Variants in SEMA5A observed in about 807,000 individuals in gnomAD.
The protein encoded by SEMA5A is semaphorin 5A.
In SEMA5A, 55 loss-of-function variants were observed where a neutral mutation model predicts 135.5. The observed-to-expected ratio is 0.41, with a 90% CI of 0.33 to 0.51. The LOEUF (loss-of-function observed/expected upper bound fraction) is 0.51. Ranked by LOEUF, SEMA5A falls within the 20% of genes least tolerant of loss-of-function variation. The probability of loss-of-function intolerance (pLI) is 0.37; values close to 1 mark genes in which losing one functional copy is unlikely to be tolerated. For synonymous variants in SEMA5A, 580 were observed against 546.5 expected, an observed-to-expected ratio of 1.06 and a Z score of -0.85; for missense variants, 1,290 against 1,419.9, an observed-to-expected ratio of 0.91 and a Z score of 1.47.
intron 1 of SEMA5A, among the ~76,000 whole-genome samples, chr5:9,491,854 A>G (rs967100097): frequency 8.5e-5 from 13 of 152,330 alleles, no homozygotes; most frequent in African/African-American, 7.2e-5. Context: ...TATTCAATAT[A>G]TGCATTGTAA....
intron 1 of SEMA5A, among the ~76,000 whole-genome samples, chr5:9,448,663 T>C (rs754255124): frequency 4.6e-5 from 7 of 152,224 alleles, no homozygotes; most frequent in Admixed American, 1.3e-4. Context: ...AATCCAGATC[T>C]CTGTAATTCT....
intron 18 of SEMA5A, among the ~76,000 whole-genome samples, chr5:9,060,407 C>A (rs1022139246): frequency 6.6e-6 from 1 of 152,116 alleles, no homozygotes; most frequent in Admixed American, 6.5e-5. Context: ...CCCATGGCAA[C>A]AAGGATAGGG....
chr5:9,109,433 G>A (rs572641938), intron 15 of SEMA5A, among the ~76,000 whole-genome samples: 45 of 152,312 alleles, frequency 3.0e-4, no homozygotes, highest in African/African-American at 9.9e-4. Context: ...GCATTCTACA[G>A]GTTACAGCTC....
At chr5:9,101,594 A>G (rs1269628253) in intron 16 of SEMA5A, among the ~76,000 whole-genome samples, 1 of 152,194 alleles carries the variant, frequency 6.6e-6, no homozygotes, top group Non-Finnish European at 1.5e-5. Context: ...CTTAAACTTT[A>G]TTTTAGAAAA....
chr5:9,230,660 A>G (rs903910997), intron 6 of SEMA5A, among the ~76,000 whole-genome samples: 1 of 152,184 alleles, frequency 6.6e-6, no homozygotes, highest in Non-Finnish European at 1.5e-5. Flanking sequence ...CCAGATGATC[A>G]GGCAAGGAGG....
intron 7 of SEMA5A, among the ~76,000 whole-genome samples, chr5:9,225,123 C>G (rs1340418640): frequency 6.6e-6 from 1 of 151,978 alleles, no homozygotes; most frequent in East Asian, 1.9e-4. Flanking sequence ...AACCTTGTAC[C>G]ACTGAATACT....
intron 9 of SEMA5A, 82 bp downstream of exon 9, chr5:9,201,873 T>TA (rs1745724875): frequency 7.3e-7 from 1 of 1,367,088 alleles, no homozygotes; most frequent in South Asian, 1.5e-5. Flanking sequence ...AAAGTAAATT[T>TA]AAAACCTCAG....
At chr5:9,320,244 G>T (rs1352816387) in intron 4 of SEMA5A, among the ~76,000 whole-genome samples, 1 of 152,176 alleles carries the variant, frequency 6.6e-6, no homozygotes, top group Non-Finnish European at 1.5e-5. Flanking sequence ...CAGAAGCACT[G>T]CTTGGCACAT....
At position 9,109,550 on chromosome 5, in the gene SEMA5A, A is replaced by G. The variant is rs536119581; in HGVS notation, c.1926-1263T>C. The stretch of plus-strand genomic sequence containing the variant: ...AATTCCCAAATTTACCTTCTAGAGA[A>G]TACTAGAATGCACAACTTTTTCTCA... On this transcript the variant is annotated intron_variant, in intron 15 of 22. Transcript: ENST00000382496. Among the ~76,000 whole-genome samples the G allele has an allele frequency of 4.6e-5, 7 of 152,308 alleles. No homozygotes were observed. In the South Asian group the frequency reaches 8.3e-4, roughly 18 times the overall value.
intron 2 of SEMA5A, among the ~76,000 whole-genome samples, chr5:9,383,270 G>A (rs1755692938): frequency 1.3e-5 from 2 of 152,228 alleles, no homozygotes; most frequent in Non-Finnish European, 2.9e-5. Flanking sequence ...CTTAAGATAT[G>A]AAATGTTATC....
At chr5:9,083,574 TCATTCATC>T (rs56063620) in intron 16 of SEMA5A, among the ~76,000 whole-genome samples, 51,817 of 147,988 alleles carry the variant, frequency 0.35, 9,971 homozygotes, top group East Asian at 0.54. Context: ...GGTTTTCCAT[TCATTCATC>T]CATTCATCCA....
intron 3 of SEMA5A, among the ~76,000 whole-genome samples, chr5:9,354,503 G>A (rs1186188653): frequency 6.6e-6 from 1 of 152,076 alleles, no homozygotes; most frequent in African/African-American, 2.4e-5. Flanking sequence ...TTATTTGCTT[G>A]ACCCCATTAA....
At chr5:9,484,799 T>A (rs992496220) in intron 1 of SEMA5A, among the ~76,000 whole-genome samples, 2 of 151,948 alleles carry the variant, frequency 1.3e-5, no homozygotes, top group African/African-American at 2.4e-5. Flanking sequence ...AGCACTGGGG[T>A]TCTATGGAGG....
intron 4 of SEMA5A, among the ~76,000 whole-genome samples, chr5:9,323,551 A>T (rs1057321488): frequency 6.6e-6 from 1 of 151,824 alleles, no homozygotes; most frequent in South Asian, 2.1e-4. Flanking sequence ...CATCTATTTA[A>T]TGTGTATATT....
At chr5:9,264,151 G>A (rs920878425) in intron 5 of SEMA5A, among the ~76,000 whole-genome samples, 12 of 152,092 alleles carry the variant, frequency 7.9e-5, no homozygotes, top group Non-Finnish European at 2.9e-5. Context: ...ATAAAACATA[G>A]CCTTCAAATA....
intron 5 of SEMA5A, among the ~76,000 whole-genome samples, chr5:9,283,861 C>G (rs1750661526): frequency 1.3e-5 from 2 of 152,194 alleles, no homozygotes; most frequent in Non-Finnish European, 2.9e-5. Flanking sequence ...TCCTCTCTCT[C>G]CAGTGACTGT....
At chr5:9,133,546 T>C (rs192018346) in intron 13 of SEMA5A, among the ~76,000 whole-genome samples, 2 of 152,248 alleles carry the variant, frequency 1.3e-5, no homozygotes, top group East Asian at 3.9e-4. Context: ...TTGTAATGAG[T>C]GTTTTGCTGA....
At chr5:9,477,958 G>T (rs1026500141) in intron 1 of SEMA5A, among the ~76,000 whole-genome samples, 2 of 152,194 alleles carry the variant, frequency 1.3e-5, no homozygotes, top group Admixed American at 1.3e-4. Flanking sequence ...AGGCCTGGAG[G>T]CCCATGAGGG....
chr5:9,516,259 G>A (rs554940260), intron 1 of SEMA5A, among the ~76,000 whole-genome samples: 9 of 151,788 alleles, frequency 5.9e-5, no homozygotes, highest in South Asian at 2.1e-4. Flanking sequence ...CAAACACCAC[G>A]CAACACATAA....
Sources: gnomAD v4.1 joint callset for allele counts (sites outside exome capture counted in the v4.1 genomes callset) on GRCh38, gnomAD v4.1.1 for gene constraint, MANE v1.5 for transcripts, NCBI Gene and HGNC (gene_info 2026-07-23, HGNC 2026-07-21) for gene names.